CDH13: variants seen among roughly 807,000 people sequenced by gnomAD.
CDH13 encodes cadherin 13.
In CDH13, 24 loss-of-function variants were observed where a neutral mutation model predicts 63.8. The ratio of observed to expected loss-of-function variants is 0.38; its 90% confidence interval spans 0.27 to 0.53. The LOEUF (loss-of-function observed/expected upper bound fraction) is 0.53. Among genes scored for constraint, CDH13 ranks in the 20% least tolerant of loss-of-function variants. The probability of loss-of-function intolerance (pLI) is 0.85; values close to 1 mark genes in which losing one functional copy is unlikely to be tolerated. For missense variants in CDH13, 1,049 were observed against 903.1 expected, an observed-to-expected ratio of 1.16 and a Z score of -2.07; for synonymous variants, 503 against 355.3, an observed-to-expected ratio of 1.42 and a Z score of -4.67.
chr16:82,963,142 G>C (rs375153460), intron 2 of CDH13, among the ~76,000 whole-genome samples: 3 of 151,008 alleles, frequency 2.0e-5, no homozygotes, highest in African/African-American at 7.3e-5. Flanking sequence ...AGGCTGAGGC[G>C]GGCAGATCAC....
At chr16:83,730,706 G>C (rs1253222844) in intron 10 of CDH13, among the ~76,000 whole-genome samples, 1 of 152,088 alleles carries the variant, frequency 6.6e-6, no homozygotes, top group African/African-American at 2.4e-5. Flanking sequence ...CCATGGGCAG[G>C]TTTATTACCT....
chr16:82,791,688 C>A (rs759869622), intron 1 of CDH13, among the ~76,000 whole-genome samples: 1 of 152,196 alleles, frequency 6.6e-6, no homozygotes, highest in East Asian at 1.9e-4. Flanking sequence ...CCTGATCCAG[C>A]GAGGCTCCCA....
At chr16:83,029,373 A>C (rs1916097882) in intron 2 of CDH13, among the ~76,000 whole-genome samples, 1 of 152,218 alleles carries the variant, frequency 6.6e-6, no homozygotes, top group Non-Finnish European at 1.5e-5. Context: ...AGTTCCTAGC[A>C]ACAATATTTG....
intron 1 of CDH13, among the ~76,000 whole-genome samples, chr16:82,792,464 C>A (rs929837933): frequency 4.6e-5 from 7 of 152,146 alleles, no homozygotes; most frequent in African/African-American, 7.2e-5. Context: ...TGTGCAAGTC[C>A]CAATACACAA....
intron 1 of CDH13, among the ~76,000 whole-genome samples, chr16:82,654,562 A>C (rs1911085685): frequency 6.6e-6 from 1 of 152,102 alleles, no homozygotes; most frequent in African/African-American, 2.4e-5. Context: ...GAAGCTCTCA[A>C]ATAATCCTGA....
Position 82,668,153 on chromosome 16 carries a change from A to G in CDH13, c.45+41016A>G, listed in dbSNP as rs138983675. Among the ~76,000 whole-genome samples the G allele has an allele frequency of 3.5e-3, 527 of 152,260 alleles. 6 individuals carry two copies. Among genetic ancestry groups the G allele is most frequent in the African/African-American group, 0.012 (505 of 41,534 alleles). Reference sequence around the variant, plus strand: ...GAGTTTACAAAGACTTGCAGGAGGCAGCATACAGACCATGGGCTTGTAGCT... The same window carrying G: ...GAGTTTACAAAGACTTGCAGGAGGCGGCATACAGACCATGGGCTTGTAGCT... On this transcript the variant is annotated intron_variant, in intron 1 of 13. Coordinates refer to ENST00000567109, the MANE Select transcript of CDH13 (RefSeq NM_001257.5).
chr16:83,018,327 T>C (rs1343612823), intron 2 of CDH13, among the ~76,000 whole-genome samples: 3 of 152,196 alleles, frequency 2.0e-5, no homozygotes, highest in Non-Finnish European at 2.9e-5. Flanking sequence ...CTATTCCACA[T>C]TCACCTTTAG....
intron 7 of CDH13, among the ~76,000 whole-genome samples, chr16:83,508,791 TC>T (rs1238751333): frequency 6.6e-6 from 1 of 152,218 alleles, no homozygotes; most frequent in African/African-American, 2.4e-5. Flanking sequence ...CTATTTGCAC[TC>T]AAATAGGCAG....
At chr16:83,536,682 G>A (rs2075197526) in intron 7 of CDH13, among the ~76,000 whole-genome samples, 2 of 152,206 alleles carry the variant, frequency 1.3e-5, no homozygotes, top group Admixed American at 6.5e-5. Context: ...TCTGGTTTGA[G>A]TGTTAAGGGG....
intron 7 of CDH13, among the ~76,000 whole-genome samples, chr16:83,548,098 G>A (rs190336506): frequency 3.8e-3 from 304 of 79,514 alleles, no homozygotes; most frequent in Admixed American, 1.0e-2. Flanking sequence ...GAGCAGGAAG[G>A]GGGGGATGGG....
intron 4 of CDH13, among the ~76,000 whole-genome samples, chr16:83,173,129 A>G (rs998840452): frequency 6.6e-6 from 1 of 152,150 alleles, no homozygotes; most frequent in African/African-American, 2.4e-5. Flanking sequence ...TAATTCTCAC[A>G]TTAATTCTGT....
intron 5 of CDH13, among the ~76,000 whole-genome samples, chr16:83,236,236 T>TACACAC (rs1567528496): frequency 1.1e-4 from 2 of 18,034 alleles, no homozygotes; most frequent in African/African-American, 3.9e-4. Context: ...CACACGCACA[T>TACACAC]GCACACACAC....
chr16:83,267,525 C>A (rs1348497466), intron 5 of CDH13, among the ~76,000 whole-genome samples: 1 of 152,120 alleles, frequency 6.6e-6, no homozygotes, highest in Non-Finnish European at 1.5e-5. Context: ...AGAGGTAAGA[C>A]CTCTAAAAGG....
rs944106698 is a variant in CDH13 at position 82,713,172 on chromosome 16, C to A, written c.45+86035C>A. On this transcript the variant is annotated intron_variant, in intron 1 of 13. Transcript: ENST00000567109. ...CCTCAATTTGGGATCCCGGTACCAC[C>A]CGCATAAGAATCTTTTGGATGCTGA... is the stretch of plus-strand genomic sequence containing the variant. 5.2e-4 allele frequency among the ~76,000 whole-genome samples: 79 copies of A among 152,198 alleles called. 1 individual carries two copies. The highest frequency in any genetic ancestry group is 1.9e-3 in the African/African-American group (78 of 41,516).
intron 10 of CDH13, among the ~76,000 whole-genome samples, chr16:83,743,748 C>CATTTTTTT (rs1912280138): frequency 1.3e-5 from 1 of 76,258 alleles, no homozygotes; most frequent in Non-Finnish European, 2.2e-5. Context: ...TTTCTTTTTT[C>CATTTTTTT]TTTTTTTTTT....
At chr16:83,720,500 T>C (rs1909547527) in intron 10 of CDH13, among the ~76,000 whole-genome samples, 1 of 151,980 alleles carries the variant, frequency 6.6e-6, no homozygotes, top group South Asian at 2.1e-4. Context: ...TCCTGCTCTT[T>C]GGGAGGCTGA....
At chr16:83,374,761 G>T (rs1317212060) in intron 6 of CDH13, among the ~76,000 whole-genome samples, 1 of 152,152 alleles carries the variant, frequency 6.6e-6, no homozygotes, top group African/African-American at 2.4e-5. Context: ...AGAATGACAG[G>T]TACCTCATTA....
At chr16:82,897,128 C>G (rs1427725531) in intron 2 of CDH13, among the ~76,000 whole-genome samples, 5 of 152,042 alleles carry the variant, frequency 3.3e-5, no homozygotes, top group Admixed American at 1.3e-4. Flanking sequence ...TCAGAGAGTA[C>G]TTGAGCCAAA....
chr16:82,875,318 T>C (rs1035238448), intron 2 of CDH13, among the ~76,000 whole-genome samples: 1 of 152,192 alleles, frequency 6.6e-6, no homozygotes, highest in South Asian at 2.1e-4. Context: ...AGCGTTTTGT[T>C]GGCTATAATT....
Sources: gnomAD v4.1 joint callset for allele counts (sites outside exome capture counted in the v4.1 genomes callset) on GRCh38, gnomAD v4.1.1 for gene constraint, MANE v1.5 for transcripts, NCBI Gene and HGNC (gene_info 2026-07-23, HGNC 2026-07-21) for gene names.